RANBP17: variants seen among roughly 807,000 people sequenced by gnomAD.
The protein encoded by RANBP17 is RAN binding protein 17, also known as ran-binding protein 17.
In RANBP17, 158 loss-of-function variants were observed where a neutral mutation model predicts 141.2. The ratio of observed to expected loss-of-function variants is 1.12; its 90% CI spans 0.98 to 1.28. The LOEUF is 1.28. RANBP17 is among the 50% of genes most tolerant of loss of function. The pLI is 0.00. For synonymous variants in RANBP17, 430 were observed against 450.0 expected, an observed-to-expected ratio of 0.96 and a Z score of 0.56; for missense variants, 1,438 against 1,290.7, an observed-to-expected ratio of 1.11 and a Z score of -1.75.
intron 14 of RANBP17, among the ~76,000 whole-genome samples, chr5:171,075,137 G>A (rs956516468): frequency 4.6e-5 from 7 of 152,126 alleles, no homozygotes; most frequent in African/African-American, 7.2e-5. Context: ...GGGCATAAAT[G>A]TTAATAACTT....
intron 14 of RANBP17, among the ~76,000 whole-genome samples, chr5:171,151,647 G>A (rs1203369882): frequency 6.6e-6 from 1 of 152,174 alleles, no homozygotes; most frequent in Non-Finnish European, 1.5e-5. Flanking sequence ...GTTCATTGAA[G>A]CCTTAATGAG....
chr5:171,032,824 GGTAGA>G (rs1428533329), intron 14 of RANBP17, among the ~76,000 whole-genome samples: 3 of 152,158 alleles, frequency 2.0e-5, no homozygotes, highest in South Asian at 4.2e-4. Context: ...GACAACTATA[GGTAGA>G]GTAGAGACTG....
chr5:171,018,430 C>G (rs1005907992), intron 14 of RANBP17, among the ~76,000 whole-genome samples: 2 of 152,066 alleles, frequency 1.3e-5, no homozygotes, highest in African/African-American at 2.4e-5. Flanking sequence ...TTTCTTATTT[C>G]CTTGAGCAGT....
intron 13 of RANBP17, among the ~76,000 whole-genome samples, chr5:170,964,428 G>A (rs1204188817): frequency 6.6e-6 from 1 of 151,610 alleles, no homozygotes; most frequent in African/African-American, 2.4e-5. Flanking sequence ...TTAAGTTTTA[G>A]GGTACATGTG....
At position 171,127,062 on chromosome 5, in the gene RANBP17, A is replaced by G. The variant is rs190106288; in HGVS notation, c.1711-43068A>G. ...CTATAGGCCAATATTTCTGATGAACATAGATGCAAAAACCCTCAACAAAAT... is the reference window on the plus strand; with the variant it reads ...CTATAGGCCAATATTTCTGATGAACGTAGATGCAAAAACCCTCAACAAAAT... On this transcript the variant is annotated intron_variant, in intron 14 of 27. Coordinates refer to ENST00000523189, the MANE Select transcript of RANBP17 (RefSeq NM_022897.5). Among the ~76,000 whole-genome samples the G allele has an allele frequency of 1.7e-3, 258 of 152,360 alleles. 1 individual carries two copies. The highest frequency in any genetic ancestry group is 6.0e-3 in the African/African-American group (251 of 41,588).
rs547627719 is a variant in RANBP17 at position 170,987,015 on chromosome 5, T to G, written c.1710+18638T>G. ...TCTGATTACTGGCAACTTGTATGTT[T>G]GTATTTGATACACAATTTGGGGGAA... On this transcript the variant is annotated intron_variant, in intron 14 of 27. Transcript: ENST00000523189. Among the ~76,000 whole-genome samples, 13 of 152,028 alleles carry G rather than the reference T, an allele frequency of 8.6e-5. No individual in the cohort carries two copies. In the South Asian group the frequency reaches 2.7e-3, roughly 31 times the overall value.
chr5:171,165,439 A>G (rs1759627715), intron 14 of RANBP17, among the ~76,000 whole-genome samples: 1 of 152,092 alleles, frequency 6.6e-6, no homozygotes, highest in Non-Finnish European at 1.5e-5. Context: ...CGGCCTCCCA[A>G]AGTGCTGGGA....
chr5:171,251,644 C>T (rs1335135792), intron 24 of RANBP17, among the ~76,000 whole-genome samples: 1 of 152,040 alleles, frequency 6.6e-6, no homozygotes, highest in African/African-American at 2.4e-5. Flanking sequence ...AGTTTATAGG[C>T]TTGAGCGCCG....
rs188335657 is a variant in RANBP17, at chr5:170,974,958, C to T, written c.1710+6581C>T. On this transcript the variant is annotated intron_variant, in intron 14 of 27. Coordinates refer to ENST00000523189, the MANE Select transcript of RANBP17 (RefSeq NM_022897.5). ...AATCATTTTTTCTTCCAGGCCCTTG[C>T]GCTCTGGGCCTGGGAGACAGAATGA... 2.6e-3 allele frequency among the ~76,000 whole-genome samples: 389 copies of T among 152,154 alleles called. 2 individuals carry two copies. Among genetic ancestry groups the T allele is most frequent in the African/African-American group, 8.0e-3 (333 of 41,520 alleles).
intron 18 of RANBP17, among the ~76,000 whole-genome samples, chr5:171,191,891 T>C (rs911853896): frequency 2.6e-5 from 4 of 152,204 alleles, no homozygotes; most frequent in Admixed American, 2.6e-4. Context: ...AATGATTGAT[T>C]TGGGGCTTGG....
chr5:171,086,760 T>G (rs953535152), intron 14 of RANBP17, among the ~76,000 whole-genome samples: 3 of 148,854 alleles, frequency 2.0e-5, no homozygotes, highest in African/African-American at 7.4e-5. Flanking sequence ...TAGAGGTGTT[T>G]GTAGTATTCC....
intron 12 of RANBP17, among the ~76,000 whole-genome samples, chr5:170,948,619 A>G (rs1774953024): frequency 6.6e-6 from 1 of 152,206 alleles, no homozygotes; most frequent in Admixed American, 6.5e-5. Context: ...AATATTGTTA[A>G]GATGGCAGTA....
chr5:170,864,634 G>A (rs1160839568), intron 1 of RANBP17, among the ~76,000 whole-genome samples: 2 of 152,152 alleles, frequency 1.3e-5, no homozygotes, highest in Non-Finnish European at 2.9e-5. Context: ...TAAGAGGTAG[G>A]CACTTTAGGT....
chr5:170,882,105 G>C (rs1768749802), intron 3 of RANBP17, among the ~76,000 whole-genome samples: 2 of 151,826 alleles, frequency 1.3e-5, no homozygotes, highest in Admixed American at 1.3e-4. Context: ...CTTTTTTTGA[G>C]ACAGAGTCTT....
chr5:171,066,278 T>C (rs778542816), intron 14 of RANBP17, among the ~76,000 whole-genome samples: 1 of 152,210 alleles, frequency 6.6e-6, no homozygotes, highest in Non-Finnish European at 1.5e-5. Context: ...TTATTTCTCC[T>C]ATCCCACTGG....
intron 20 of RANBP17, among the ~76,000 whole-genome samples, chr5:171,212,384 TA>T (rs1762952097): frequency 6.6e-6 from 1 of 151,932 alleles, no homozygotes. Flanking sequence ...CCATGGGAGG[TA>T]AAACTTGAGC....
At chr5:171,216,119 T>G (rs185628047) in intron 21 of RANBP17, among the ~76,000 whole-genome samples, 228 of 152,340 alleles carry the variant, frequency 1.5e-3, no homozygotes, top group African/African-American at 4.7e-3. Flanking sequence ...TTTCTTCATA[T>G]GGCTAGCCAG....
Position 171,057,828 on chromosome 5 carries a change from C to CA in RANBP17, c.1710+89452dup, listed in dbSNP as rs1187170949. Among the ~76,000 whole-genome samples, 96 of 152,136 alleles carry CA rather than the reference C, an allele frequency of 6.3e-4. 2 individuals carry two copies. The highest frequency in any genetic ancestry group is 3.9e-4 in the Admixed American group (6 of 15,260). On this transcript the variant is annotated intron_variant, in intron 14 of 27. Transcript: ENST00000523189. The stretch of plus-strand genomic sequence containing the variant: ...AAAACCATCAGATCTTCTGAGAACT[C>CA]ACTATCACAAGAACAGCATGGGGGA...
At chr5:171,262,508 C>A (rs2128016546) in intron 24 of RANBP17, among the ~76,000 whole-genome samples, 1 of 152,050 alleles carries the variant, frequency 6.6e-6, no homozygotes. Context: ...CTATTTTTGG[C>A]TTTTATTATT....
Sources: allele counts gnomAD v4.1 joint callset (sites outside exome capture counted in the v4.1 genomes callset), GRCh38; gene constraint gnomAD v4.1.1; transcripts MANE v1.5; gene names NCBI Gene and HGNC (gene_info 2026-07-23, HGNC 2026-07-21).